Variants in SLC66A2 observed in about 807,000 individuals in gnomAD.
SLC66A2 encodes PQ loop repeat containing 1.
SLC66A2 carries 23 observed loss-of-function variants against 25.5 expected under a neutral mutation model. The ratio of observed to expected loss-of-function variants is 0.90; its 90% CI spans 0.65 to 1.28. The LOEUF (loss-of-function observed/expected upper bound fraction) is 1.28, where lower values mean the gene tolerates loss of function less well. Among genes scored for constraint, SLC66A2 ranks in the 50% most tolerant of loss-of-function variants. The pLI, the probability that SLC66A2 is intolerant of heterozygous loss-of-function variation, is 0.00. For missense variants in SLC66A2, 396 were observed against 373.1 expected, an observed-to-expected ratio of 1.06 and a Z score of -0.51; for synonymous variants, 193 against 166.5, an observed-to-expected ratio of 1.16 and a Z score of -1.23.
In SLC66A2 at chr18:79,940,492, T is replaced by TA. The variant is rs925300814; in HGVS notation, c.337+2836dup. Among the ~76,000 whole-genome samples, 75 of 145,088 alleles carry TA rather than the reference T, an allele frequency of 5.2e-4. No homozygotes were observed. Among genetic ancestry groups the TA allele is most frequent in the Admixed American group, 1.6e-3 (23 of 14,556 alleles). ...GCACATGTACCTGAACTTAAAAGCT[T>TA]AAAAAAAAAAACAGAACATGTTCAG... On this transcript the variant is annotated intron_variant, in intron 3 of 5. Coordinates refer to ENST00000397778, the MANE Select transcript of SLC66A2 (RefSeq NM_025078.5). The surrounding 1 kb of genome is among the most constrained non-coding windows in gnomAD (Gnocchi z 4.1).
chr18:79,945,789 C>G (rs1037484867), intron 2 of SLC66A2, among the ~76,000 whole-genome samples: 1 of 152,228 alleles, frequency 6.6e-6, no homozygotes, highest in Non-Finnish European at 1.5e-5. Flanking sequence ...AAAGCACGAT[C>G]GCAACCCCCA....
chr18:79,912,460 C>T (rs1364935887), intron 5 of SLC66A2, among the ~76,000 whole-genome samples: 2 of 152,156 alleles, frequency 1.3e-5, no homozygotes, highest in Non-Finnish European at 2.9e-5. Flanking sequence ...CCTGAGAATA[C>T]GAAGTGCAGG....
intron 1 of SLC66A2, 127 bp from the exon 2 acceptor site, chr18:79,951,152 C>G: frequency 4.3e-6 from 1 of 232,784 alleles, no homozygotes; most frequent in Non-Finnish European, 8.2e-6. Context: ...CCGGGGCGCG[C>G]GAGGAGCGGC....
chr18:79,929,811 A>G (rs1383034162), intron 4 of SLC66A2, among the ~76,000 whole-genome samples: 2 of 152,218 alleles, frequency 1.3e-5, no homozygotes, highest in Non-Finnish European at 2.9e-5. Flanking sequence ...GCACAACTAA[A>G]ATTTTAAAAC....
chr18:79,931,263 G>C (rs1822006726), intron 4 of SLC66A2, among the ~76,000 whole-genome samples: 1 of 151,862 alleles, frequency 6.6e-6, no homozygotes, highest in African/African-American at 2.4e-5. Flanking sequence ...CAAATCAAAG[G>C]GCAGAATTGC....
chr18:79,945,641 G>A (rs1452453989), intron 2 of SLC66A2, among the ~76,000 whole-genome samples: 1 of 152,218 alleles, frequency 6.6e-6, no homozygotes, highest in African/African-American at 2.4e-5. Flanking sequence ...AGCTTGAACA[G>A]GGTTTTCTGG....
At chr18:79,945,170 TCC>T in intron 2 of SLC66A2, 1 of 152,480 alleles carries the variant, frequency 6.6e-6, no homozygotes, top group Admixed American at 6.5e-5. Context: ...ACAGACGTTC[TCC>T]TGGGAGGACA....
intron 2 of SLC66A2, among the ~76,000 whole-genome samples, chr18:79,947,603 C>A (rs1431206092): frequency 2.1e-4 from 1 of 4,834 alleles, no homozygotes; most frequent in African/African-American, 2.5e-4. Flanking sequence ...TCTCTGCCCC[C>A]ACCCCAGCCC....
At chr18:79,934,628 A>C (rs574192539) in intron 3 of SLC66A2, among the ~76,000 whole-genome samples, 1 of 152,292 alleles carries the variant, frequency 6.6e-6, no homozygotes, top group East Asian at 1.9e-4. Flanking sequence ...TTATAAGTCA[A>C]CCTTCCTATC....
intron 4 of SLC66A2, among the ~76,000 whole-genome samples, chr18:79,932,612 G>A (rs540276455): frequency 6.6e-6 from 1 of 152,058 alleles, no homozygotes; most frequent in South Asian, 2.1e-4. Context: ...AATTACTAAA[G>A]TCAGGAATAA....
intron 5 of SLC66A2, among the ~76,000 whole-genome samples, chr18:79,910,737 C>G (rs1162301112): frequency 6.6e-6 from 1 of 152,182 alleles, no homozygotes; most frequent in African/African-American, 2.4e-5. Flanking sequence ...TCTATTTTGC[C>G]CAGGGTTTCC....
chr18:79,942,995 C>T (rs1987817740), intron 3 of SLC66A2, among the ~76,000 whole-genome samples: 2 of 152,176 alleles, frequency 1.3e-5, no homozygotes, highest in Admixed American at 1.3e-4. Flanking sequence ...TGACCTGGTA[C>T]CGTCTGACCT....
chr18:79,923,238 G>T lies in SLC66A2; in HGVS notation c.392-3838C>A, dbSNP rs1299505548. Among the ~76,000 whole-genome samples, 6 of 122,800 alleles carry T rather than the reference G, an allele frequency of 4.9e-5. 1 individual carries two copies. Among genetic ancestry groups the T allele is most frequent in the Admixed American group, 7.9e-5 (1 of 12,608 alleles). The allele number at this position is 122,800 out of a possible 152,430, so 80.6% of individuals were successfully genotyped here. ...GACGGTGAGGGGGTGGATGGGGGGG[G>T]GCCGTGGACGGGTGGGTGGAGGACG... On this transcript the variant is annotated intron_variant, in intron 4 of 5. Coordinates refer to ENST00000397778, the MANE Select transcript of SLC66A2 (RefSeq NM_025078.5).
chr18:79,950,702 G>A (rs902614369), intron 2 of SLC66A2, 22 bp downstream of exon 2: 2 of 1,611,812 alleles, frequency 1.2e-6, no homozygotes, highest in African/African-American at 1.3e-5. Context: ...GTGCAGCCCA[G>A]GAAAGCAAGC....
chr18:79,906,206 G>T (rs1982108852), intron 5 of SLC66A2, among the ~76,000 whole-genome samples: 1 of 152,122 alleles, frequency 6.6e-6, no homozygotes, highest in South Asian at 2.1e-4. Flanking sequence ...TTTCAGTTTG[G>T]TTTTTTATGT....
At chr18:79,939,033 G>A (rs1234602516) in intron 3 of SLC66A2, among the ~76,000 whole-genome samples, 2 of 152,214 alleles carry the variant, frequency 1.3e-5, no homozygotes, top group Non-Finnish European at 2.9e-5. Flanking sequence ...AGCATGCACT[G>A]TTCTTTATAA....
chr18:79,944,247 A>C (rs1224264978), intron 2 of SLC66A2: 4 of 153,018 alleles, frequency 2.6e-5, no homozygotes, highest in African/African-American at 9.6e-5. Flanking sequence ...TCTAGCTCAC[A>C]GCAGCCCTGC....
intron 4 of SLC66A2, among the ~76,000 whole-genome samples, chr18:79,921,784 A>G: frequency 1.2e-5 from 1 of 86,366 alleles, no homozygotes. Context: ...GGGAGAGGTC[A>G]AGGTCAGTGG....
intron 4 of SLC66A2, among the ~76,000 whole-genome samples, chr18:79,928,067 G>C (rs955963328): frequency 8.5e-5 from 13 of 152,336 alleles, no homozygotes; most frequent in South Asian, 6.2e-4. Context: ...ACAGGTGAGA[G>C]AGGTGAGGGG....
Sources: gnomAD v4.1 joint callset for allele counts (sites outside exome capture counted in the v4.1 genomes callset) on GRCh38, gnomAD v4.1.1 for gene constraint, Gnocchi (gnomAD v3.1) non-coding constraint, MANE v1.5 for transcripts, NCBI Gene and HGNC (gene_info 2026-07-23, HGNC 2026-07-21) for gene names.